The following OR51M1 variants were observed in gnomAD, a reference collection of about 807,000 sequenced individuals.
The protein encoded by OR51M1 is olfactory receptor 51M1.
For missense variants in OR51M1, 509 were observed against 404.4 expected, an observed-to-expected ratio of 1.26 and a Z score of -2.22; for synonymous variants, 199 against 155.1, an observed-to-expected ratio of 1.28 and a Z score of -2.10.
At position 5,389,492 on chromosome 11, in the gene OR51M1, T is replaced by A; in HGVS notation, c.94T>A (p.Leu32Met). The change falls in exon 3 of 3, where the codon TTG (leucine) becomes ATG (methionine). Residue 32 changes from leucine (L) to methionine (M), a missense_variant. Leu to Met is a conservative substitution (Grantham distance 15). Coordinates refer to ENST00000642046, the MANE Select transcript of OR51M1 (RefSeq NM_001004756.3). ...ATTCTATCTCACCAGCTTTCCTGGA[T>A]TGGAAGGCATCAAACACTGGATTTT... The part of the protein sequence containing the change: ...PIFYLTSFPG[L>M]EGIKHWIFIP... 6.2e-7 allele frequency: 1 copy of A among 1,614,020 alleles called. No homozygotes were observed. Among genetic ancestry groups the A allele is most frequent in the Non-Finnish European group, 8.5e-7 (1 of 1,179,880 alleles).
Position 5,385,469 on chromosome 11 carries a change from T to C in OR51M1, c.-16+11T>C, listed in dbSNP as rs989989706. Reference sequence around the variant, plus strand: ...GAATCAGGATAAGAGGTGAGTACTTTATTTATTCACCCATTTAGTTTTTCA... The same window carrying C: ...GAATCAGGATAAGAGGTGAGTACTTCATTTATTCACCCATTTAGTTTTTCA... On this transcript the variant is annotated intron_variant, in intron 2 of 2. Coordinates refer to ENST00000642046, the MANE Select transcript of OR51M1 (RefSeq NM_001004756.3). 1 of 151,384 alleles carries C rather than the reference T, an allele frequency of 6.6e-6. No individual in the cohort carries two copies. Among genetic ancestry groups the C allele is most frequent in the Non-Finnish European group, 1.5e-5 (1 of 67,916 alleles). 9.4% of individuals were successfully genotyped at this position (151,384 alleles called of 1,614,324 possible).
chr11:5,389,607 C>A lies in OR51M1; in HGVS notation c.209C>A (p.Pro70His). 6.2e-7 allele frequency: 1 copy of A among 1,613,838 alleles called. No homozygotes were observed. The highest frequency in any genetic ancestry group is 8.5e-7 in the Non-Finnish European group (1 of 1,179,894). The change falls in exon 3 of 3, where the codon CCC becomes CAC. Residue 70 changes from proline (P) to histidine (H), a missense_variant. Coordinates refer to ENST00000642046, the MANE Select transcript of OR51M1 (RefSeq NM_001004756.3). ...IIKTNPRLHT[P>H]MYYLLSLLAL... is the part of the protein sequence containing the mutation. ...AAGACCAACCCTCGTCTGCACACAC[C>A]CATGTACTATCTACTATCCTTGCTG...
At position 5,388,730 on chromosome 11, in the gene OR51M1, A is replaced by G. The variant is rs1022104201; in HGVS notation, c.-15-654A>G. 2.0e-5 allele frequency among the ~76,000 whole-genome samples: 3 copies of G among 152,140 alleles called. No homozygotes were observed. In the South Asian group the frequency reaches 6.2e-4, roughly 32 times the overall value. On this transcript the variant is annotated intron_variant, in intron 2 of 2. Coordinates refer to ENST00000642046, the MANE Select transcript of OR51M1 (RefSeq NM_001004756.3). ...TTTATGTATACGTCTCTCTTGCTAT[A>G]TAGTAGTCAACTGAATACAGTAGTA...
intron 2 of OR51M1, among the ~76,000 whole-genome samples, chr11:5,388,196 A>G (rs1849731085): frequency 6.6e-6 from 1 of 152,138 alleles, no homozygotes; most frequent in African/African-American, 2.4e-5. Flanking sequence ...AAGGATTCCA[A>G]TGATATGGTG....
At chr11:5,385,531 C>T (rs938736001) in intron 2 of OR51M1, 73 bp downstream of exon 2, 1 of 152,072 alleles carries the variant, frequency 6.6e-6, no homozygotes, top group Non-Finnish European at 1.5e-5. Flanking sequence ...CCTACCACAT[C>T]TTAGACACTG....
Position 5,389,436 on chromosome 11 carries a change from T to TCAGTTTA in OR51M1, c.38_39insCAGTTTA (p.Leu14SerfsTer10). 1.2e-6 allele frequency: 2 copies of TCAGTTTA among 1,613,960 alleles called. No homozygotes were observed. The highest frequency in any genetic ancestry group is 1.7e-6 in the Non-Finnish European group (2 of 1,179,826). The stretch of plus-strand genomic sequence containing the variant: ...TATTCGCTCAGTCCTCAATTCATGC[T>TCAGTTTA]GCTATCCAACATTACTCAGTTTAGC... On this transcript the variant is annotated frameshift_variant, in exon 3 of 3. Transcript: ENST00000642046. LOFTEE classifies it low-confidence loss of function (END_TRUNC).
In OR51M1 at chr11:5,390,254, C is replaced by G. The variant is rs1251211712; in HGVS notation, c.856C>G (p.Leu286Val). 6.2e-7 allele frequency: 1 copy of G among 1,614,024 alleles called. No individual in the cohort carries two copies. Among genetic ancestry groups the G allele is most frequent in the East Asian group, 2.2e-5 (1 of 44,888 alleles). Reference sequence around the variant, plus strand: ...GAAGCATGCCCCACCTGCTATTCATCTTCTTATGGCCAATGTCTACCTTTT... The same window carrying G: ...GAAGCATGCCCCACCTGCTATTCATGTTCTTATGGCCAATGTCTACCTTTT... ...FGKHAPPAIH[L>V]LMANVYLFVP... is the part of the protein sequence containing the mutation. Residue 286 changes from leucine (L) to valine (V), a missense_variant, in exon 3 of 3, where the codon CTT (leucine) becomes GTT (valine). Leu to Val is a conservative substitution (Grantham distance 32, BLOSUM62 1). Transcript: ENST00000642046.
At position 5,390,099 on chromosome 11, in the gene OR51M1, T is replaced by C. The variant is rs1413595584; in HGVS notation, c.701T>C (p.Leu234Pro). The C allele has an allele frequency of 6.2e-7, 1 of 1,613,814 alleles. No individual in the cohort carries two copies. Among genetic ancestry groups the C allele is most frequent in the Non-Finnish European group, 8.5e-7 (1 of 1,179,886 alleles). Residue 234 changes from leucine to proline, a missense_variant, in exon 3 of 3, where the codon CTG (leucine) becomes CCG (proline). Physicochemically the swap from Leu to Pro is moderately conservative, Grantham distance 98. Coordinates refer to ENST00000642046, the MANE Select transcript of OR51M1 (RefSeq NM_001004756.3). ...ATCGCACTGTCCTATGGACTCATCC[T>C]GCACACAGTAGCAGGCCTGGCCTCC... ...VLIALSYGLI[L>P]HTVAGLASQE...
intron 2 of OR51M1, among the ~76,000 whole-genome samples, chr11:5,386,102 T>A (rs566551986): frequency 6.6e-6 from 1 of 152,256 alleles, no homozygotes; most frequent in African/African-American, 2.4e-5. Flanking sequence ...GAAGAAGTGA[T>A]ATTTGTACTA....
intron 2 of OR51M1, among the ~76,000 whole-genome samples, chr11:5,389,094 A>G (rs1228235817): frequency 6.6e-6 from 1 of 152,224 alleles, no homozygotes; most frequent in African/African-American, 2.4e-5. Flanking sequence ...AGAAGAAATA[A>G]TAGAATATGG....
Position 5,389,481 on chromosome 11 carries a change from G to T in OR51M1, c.83G>T (p.Ser28Ile). Residue 28 changes from serine to isoleucine, a missense_variant, in exon 3 of 3, where the codon AGC becomes ATC. By Grantham distance (142) the Ser-to-Ile change is moderately radical. Coordinates refer to ENST00000642046, the MANE Select transcript of OR51M1 (RefSeq NM_001004756.3). The part of the protein sequence containing the change: ...TQFSPIFYLT[S>I]FPGLEGIKHW... ...TTTAGCCCCATATTCTATCTCACCA[G>T]CTTTCCTGGATTGGAAGGCATCAAA... 3 of 1,613,948 alleles carry T rather than the reference G, an allele frequency of 1.9e-6. No homozygotes were observed. Among genetic ancestry groups the T allele is most frequent in the Non-Finnish European group, 2.5e-6 (3 of 1,179,876 alleles).
Position 5,389,574 on chromosome 11 carries a change from T to C in OR51M1, c.176T>C (p.Ile59Thr), listed in dbSNP as rs1248728675. ...VAISGNCFIL[I>T]IIKTNPRLHT... ...ATCTCAGGCAATTGTTTCATTCTGA[T>C]CATTATTAAGACCAACCCTCGTCTG... Residue 59 changes from isoleucine (I) to threonine (T), a missense_variant, in exon 3 of 3, where the codon ATC becomes ACC. By Grantham distance (89) the Ile-to-Thr change is moderately conservative (BLOSUM62 -1). Coordinates refer to ENST00000642046, the MANE Select transcript of OR51M1 (RefSeq NM_001004756.3). The C allele has an allele frequency of 3.1e-6, 5 of 1,613,782 alleles. No homozygotes were observed. The Admixed American group carries it at 5.0e-5, about 16-fold the overall frequency.
At chr11:5,388,520 T>C (rs11037178) in intron 2 of OR51M1, among the ~76,000 whole-genome samples, 18,680 of 147,890 alleles carry the variant, frequency 0.13, 1,304 homozygotes, top group Non-Finnish European at 0.16. Flanking sequence ...CCAGGAAGAA[T>C]GAAAATACAA....
In OR51M1 at chr11:5,391,745, G is replaced by A. The variant is rs373555422; in HGVS notation, c.*1366G>A. ...CTCCTACAGGTTAAAATTACCATGA[G>A]GCCAGGCACGGTGGCTTATGCTATA... is the stretch of plus-strand genomic sequence containing the variant. On this transcript the variant is annotated 3_prime_UTR_variant, in exon 3 of 3. Coordinates refer to ENST00000642046, the MANE Select transcript of OR51M1 (RefSeq NM_001004756.3). 2 of 141,438 alleles carry A rather than the reference G, an allele frequency of 1.4e-5. No homozygotes were observed. The highest frequency in any genetic ancestry group is 4.8e-4 in the South Asian group (2 of 4,198). 8.8% of individuals were successfully genotyped at this position (141,438 alleles called of 1,614,324 possible). A position where few individuals can be genotyped will look rare whatever the true frequency, so the allele number is the denominator to read the frequency against.
At position 5,390,078 on chromosome 11, in the gene OR51M1, C is replaced by T. The variant is rs1259080034; in HGVS notation, c.680C>T (p.Ala227Val). 6.2e-6 allele frequency: 10 copies of T among 1,613,678 alleles called. No homozygotes were observed. The highest frequency in any genetic ancestry group is 2.7e-5 in the African/African-American group (2 of 74,944). ...GTGATGCTGGACCTGGTGCTCATCG[C>T]ACTGTCCTATGGACTCATCCTGCAC... is the stretch of plus-strand genomic sequence containing the variant. ...FTVMLDLVLI[A>V]LSYGLILHTV... The change falls in exon 3 of 3, where the codon GCA becomes GTA. Residue 227 changes from alanine (A) to valine (V), a missense_variant. By Grantham distance (64) the Ala-to-Val change is moderately conservative. Transcript: ENST00000642046.
chr11:5,388,783 G>T (rs1849743190), intron 2 of OR51M1, among the ~76,000 whole-genome samples: 1 of 151,996 alleles, frequency 6.6e-6, no homozygotes, highest in Non-Finnish European at 1.5e-5. Context: ...GAATAGTCCT[G>T]AAAGAGTGAT....
rs147372103 is a variant in OR51M1, at chr11:5,393,190, A to G, written c.*2811A>G. On this transcript the variant is annotated 3_prime_UTR_variant, in exon 3 of 3. Transcript: ENST00000642046. ...CAGTTCTAAATCCATCTCCTAGGTC[A>G]GTGATCAATAAATATGTGTTGAACT... is the stretch of plus-strand genomic sequence containing the variant. The G allele has an allele frequency of 1.2e-4, 18 of 152,312 alleles. No individual in the cohort carries two copies. Among genetic ancestry groups the G allele is most frequent in the African/African-American group, 4.1e-4 (17 of 41,582 alleles). 9.4% of individuals were successfully genotyped at this position (152,312 alleles called of 1,614,324 possible).
chr11:5,385,659 TAATA>T (rs1849677379), intron 2 of OR51M1, among the ~76,000 whole-genome samples: 2 of 151,442 alleles, frequency 1.3e-5, no homozygotes, highest in South Asian at 4.2e-4. Flanking sequence ...TAAACATGTA[TAATA>T]AAGAATACGT....
chr11:5,389,751 CTTT>C lies in OR51M1; in HGVS notation c.356_358del (p.Phe119del), dbSNP rs1849763547. On this transcript the variant is annotated inframe_deletion, in exon 3 of 3. Coordinates refer to ENST00000642046, the MANE Select transcript of OR51M1 (RefSeq NM_001004756.3). ...CAAATCCAGATGTTCTGCATCCACT[CTTT>C]TTCCTTCATGGAGTCCTCAGTGCTC... 2 of 1,613,996 alleles carry C rather than the reference CTTT, an allele frequency of 1.2e-6. No individual in the cohort carries two copies. The highest frequency in any genetic ancestry group is 1.1e-5 in the South Asian group (1 of 91,086).
Sources: gnomAD v4.1 joint callset for allele counts (sites outside exome capture counted in the v4.1 genomes callset) on GRCh38, gnomAD v4.1.1 for gene constraint, MANE v1.5 for transcripts, NCBI Gene and HGNC (gene_info 2026-07-23, HGNC 2026-07-21) for gene names.